PMS1: variants seen among roughly 807,000 people sequenced by gnomAD.
PMS1 encodes PMS1 homolog 1, mismatch repair system component.
In PMS1, 79 loss-of-function variants were observed where a neutral mutation model predicts 93.1. The ratio of observed to expected loss-of-function variants is 0.85; its 90% CI spans 0.71 to 1.02. The LOEUF (loss-of-function observed/expected upper bound fraction) is 1.02, where lower values mean the gene tolerates loss of function less well. Ranked by LOEUF, PMS1 falls within the 50% of genes least tolerant of loss-of-function variation. The pLI is 0.00. For synonymous variants in PMS1, 335 were observed against 363.4 expected, an observed-to-expected ratio of 0.92 and a Z score of 0.89; for missense variants, 1,064 against 1,085.3, an observed-to-expected ratio of 0.98 and a Z score of 0.28.
chr2:189,803,832 C>T (rs2050102898), intron 3 of PMS1, among the ~76,000 whole-genome samples: 1 of 151,988 alleles, frequency 6.6e-6, no homozygotes, highest in Non-Finnish European at 1.5e-5. Context: ...AATACGTTTT[C>T]GTAGTATTCT....
chr2:189,800,524 G>GA (rs1381766746), intron 3 of PMS1, among the ~76,000 whole-genome samples: 12 of 152,224 alleles, frequency 7.9e-5, no homozygotes, highest in South Asian at 2.1e-4. Context: ...CATTTTGGGG[G>GA]AAAGGAGTTC....
In PMS1 at chr2:189,855,056, A is replaced by C; in HGVS notation, c.1784A>C (p.Lys595Thr). The change falls in exon 9 of 13, where the codon AAG becomes ACG. Residue 595 changes from lysine (K) to threonine (T), a missense_variant. Lys to Thr is a moderately conservative substitution (Grantham distance 78, BLOSUM62 -1). Coordinates refer to ENST00000441310, the MANE Select transcript of PMS1 (RefSeq NM_000534.5). ...HRPQFLIENP[K>T]TSLEDATLQI... ...CCTCAGTTTCTCATAGAAAATCCTAAGACTAGTTTAGAGGATGCAACACTA... is the reference window on the plus strand; with the variant it reads ...CCTCAGTTTCTCATAGAAAATCCTACGACTAGTTTAGAGGATGCAACACTA... 2 of 1,613,222 alleles carry C rather than the reference A, an allele frequency of 1.2e-6. No homozygotes were observed. Among genetic ancestry groups the C allele is most frequent in the Non-Finnish European group, 1.7e-6 (2 of 1,179,270 alleles).
chr2:189,816,769 G>A (rs1170926551), intron 4 of PMS1, among the ~76,000 whole-genome samples: 1 of 152,016 alleles, frequency 6.6e-6, no homozygotes, highest in African/African-American at 2.4e-5. Context: ...TTTGCTCTGT[G>A]TTATAAGCAG....
chr2:189,789,805 C>G (rs904945181), intron 1 of PMS1, among the ~76,000 whole-genome samples: 2 of 152,100 alleles, frequency 1.3e-5, no homozygotes, highest in Admixed American at 6.6e-5. Context: ...ACCCCCAGCC[C>G]CCATTTTTTT....
intron 5 of PMS1, among the ~76,000 whole-genome samples, chr2:189,836,510 A>G (rs1381952803): frequency 1.3e-5 from 2 of 150,446 alleles, no homozygotes; most frequent in East Asian, 1.9e-4. Flanking sequence ...TGAAAATAAC[A>G]TAGAATTGAT....
intron 5 of PMS1, among the ~76,000 whole-genome samples, chr2:189,833,030 T>C (rs2053090880): frequency 1.3e-5 from 2 of 152,202 alleles, no homozygotes; most frequent in Non-Finnish European, 2.9e-5. Context: ...ATGTTACACA[T>C]TTTAATGTGG....
At chr2:189,850,469 G>C (rs754980979) in intron 6 of PMS1, among the ~76,000 whole-genome samples, 4 of 152,186 alleles carry the variant, frequency 2.6e-5, no homozygotes, top group Non-Finnish European at 5.9e-5. Context: ...GAATATTTTT[G>C]TGACAGCCAG....
chr2:189,803,563 A>G (rs184503650), intron 3 of PMS1, among the ~76,000 whole-genome samples: 60 of 152,284 alleles, frequency 3.9e-4, no homozygotes, highest in African/African-American at 1.4e-3. Flanking sequence ...GTACTGTTAG[A>G]GATGCTCCTG....
chr2:189,864,832 T>A (rs1409028992), intron 10 of PMS1, among the ~76,000 whole-genome samples: 1 of 148,114 alleles, frequency 6.8e-6, no homozygotes, highest in Admixed American at 6.8e-5. Context: ...ATTTCTCTGG[T>A]ACATTAGTGA....
Position 189,844,050 on chromosome 2 carries a change from A to T in PMS1, c.669A>T (p.Glu223Asp). Residue 223 changes from glutamate (E) to aspartate (D), a missense_variant, in exon 6 of 13, where the codon GAA (glutamate) becomes GAT (aspartate). Glu to Asp is a conservative substitution (Grantham distance 45). Transcript: ENST00000441310. ...GGACTGCTGTTATGAACAATATGGA[A>T]TCCTTTCAGTACCACTCTGAAGAAT... ...VLGTAVMNNMESFQYHSEESQ... is the reference protein window; with the variant it reads ...VLGTAVMNNMDSFQYHSEESQ... 6.2e-7 allele frequency: 1 copy of T among 1,613,956 alleles called. No individual in the cohort carries two copies. The highest frequency in any genetic ancestry group is 8.5e-7 in the Non-Finnish European group (1 of 1,179,934).
chr2:189,805,608 C>T, intron 3 of PMS1, 44 bp from the exon 4 acceptor site: 1 of 1,410,222 alleles, frequency 7.1e-7, no homozygotes, highest in South Asian at 1.2e-5. Context: ...GAACCCATCG[C>T]AATATCTAAA....
intron 9 of PMS1, chr2:189,857,383 G>T (rs760660049): frequency 6.9e-6 from 3 of 435,426 alleles, no homozygotes; most frequent in Non-Finnish European, 1.4e-5. Context: ...GCTGAGTCTA[G>T]TTGCATCATG....
intron 6 of PMS1, among the ~76,000 whole-genome samples, chr2:189,847,082 G>A (rs1393422652): frequency 1.3e-5 from 2 of 151,812 alleles, no homozygotes; most frequent in Admixed American, 6.6e-5. Context: ...GGCTGGTCTT[G>A]AACTCCTGAC....
intron 3 of PMS1, among the ~76,000 whole-genome samples, chr2:189,800,038 A>G (rs1462908115): frequency 6.6e-6 from 1 of 152,232 alleles, no homozygotes; most frequent in East Asian, 1.9e-4. Context: ...CCAAATGCCA[A>G]GTCTTCTTAC....
chr2:189,855,240 A>G (rs1280798839), intron 9 of PMS1, 112 bp downstream of exon 9: 29 of 903,094 alleles, frequency 3.2e-5, no homozygotes, highest in Middle Eastern at 3.2e-4. Context: ...AGCAGATCAG[A>G]AAATACCTTT....
At position 189,863,764 on chromosome 2, in the gene PMS1, A is replaced by C. The variant is rs2056288986; in HGVS notation, c.1878A>C (p.Lys626Asn). The change falls in exon 10 of 13, where the codon AAA (lysine) becomes AAC (asparagine). Residue 626 changes from lysine to asparagine, a missense_variant. Transcript: ENST00000441310. ...TTAGATATGAAGAGAAGGCTACTAAAGACTTGGAACGATACAATAGTCAAA... is the reference window on the plus strand; with the variant it reads ...TTAGATATGAAGAGAAGGCTACTAACGACTTGGAACGATACAATAGTCAAA... ...EKLKYEEKAT[K>N]DLERYNSQMK... 6.3e-7 allele frequency: 1 copy of C among 1,599,910 alleles called. No homozygotes were observed. Among genetic ancestry groups the C allele is most frequent in the Admixed American group, 1.7e-5 (1 of 59,976 alleles).
At chr2:189,868,127 A>G (rs545970970) in intron 11 of PMS1, among the ~76,000 whole-genome samples, 198 bp downstream of exon 11, 6 of 152,310 alleles carry the variant, frequency 3.9e-5, no homozygotes, top group South Asian at 2.1e-4. Flanking sequence ...TTTCAGTCCA[A>G]TGCTTTGCAT....
chr2:189,872,533 A>G (rs760426990), intron 11 of PMS1, among the ~76,000 whole-genome samples: 21 of 152,226 alleles, frequency 1.4e-4, no homozygotes, highest in Non-Finnish European at 2.1e-4. Flanking sequence ...TTCCAAAAAT[A>G]TGCATTCTAA....
At position 189,818,182 on chromosome 2, in the gene PMS1, T is replaced by C. The variant is rs1188894625; in HGVS notation, c.582+2T>C. 8.3e-6 allele frequency: 13 copies of C among 1,560,582 alleles called. No individual in the cohort carries two copies. Among genetic ancestry groups the C allele is most frequent in the Non-Finnish European group, 1.1e-5 (13 of 1,133,058 alleles). ...AGGATTGTCTTTGTACATAACAAGG[T>C]AAACATTATTTTATCTTTATAAGTT... On this transcript the variant is annotated splice_donor_variant, in intron 5 of 12. Coordinates refer to ENST00000441310, the MANE Select transcript of PMS1 (RefSeq NM_000534.5). LOFTEE classifies it high-confidence loss of function.
Sources: allele counts gnomAD v4.1 joint callset (sites outside exome capture counted in the v4.1 genomes callset), GRCh38; gene constraint gnomAD v4.1.1; transcripts MANE v1.5; gene names NCBI Gene and HGNC (gene_info 2026-07-23, HGNC 2026-07-21).